Variants in GADL1 observed in about 807,000 individuals in gnomAD.
The protein encoded by GADL1 is GAD like acidic amino acid decarboxylase 1, also known as acidic amino acid decarboxylase GADL1.
In GADL1, 71 loss-of-function variants were observed where a neutral mutation model predicts 69.5. The ratio of observed to expected loss-of-function variants is 1.02; its 90% confidence interval spans 0.84 to 1.25. The LOEUF is 1.25. Ranked by LOEUF, GADL1 falls within the 50% of genes most tolerant of loss-of-function variation. The pLI is 0.00. For missense variants in GADL1, 737 were observed against 631.8 expected, an observed-to-expected ratio of 1.17 and a Z score of -1.79; for synonymous variants, 254 against 214.4, an observed-to-expected ratio of 1.18 and a Z score of -1.62.
intron 14 of GADL1, among the ~76,000 whole-genome samples, chr3:30,748,432 A>G (rs906064897): frequency 2.7e-5 from 4 of 147,578 alleles, no homozygotes; most frequent in Non-Finnish European, 3.0e-5. Context: ...CACTGACTAC[A>G]GTAAGGATGT....
intron 1 of GADL1, 22 bp from the exon 2 acceptor site, chr3:30,861,787 G>T: frequency 6.6e-6 from 10 of 1,504,702 alleles, no homozygotes; most frequent in Non-Finnish European, 9.0e-6. Context: ...CAAACAAATT[G>T]TGTTTGAGAG....
At chr3:30,843,586 T>TAAGGCCAGCCTTGGCTG (rs1369250101) in intron 8 of GADL1, among the ~76,000 whole-genome samples, 1 of 152,202 alleles carries the variant, frequency 6.6e-6, no homozygotes, top group Non-Finnish European at 1.5e-5. Context: ...ATGCAGGTGT[T>TAAGGCCAGCCTTGGCTG]AAGGCCAGCC....
chr3:30,862,414 A>G (rs1482972099), intron 1 of GADL1, among the ~76,000 whole-genome samples: 1 of 152,004 alleles, frequency 6.6e-6, no homozygotes, highest in East Asian at 1.9e-4. Flanking sequence ...ACAATATCAT[A>G]CAATAGTGGT....
At chr3:30,738,005 C>T (rs1388354407) in intron 14 of GADL1, among the ~76,000 whole-genome samples, 1 of 152,152 alleles carries the variant, frequency 6.6e-6, no homozygotes, top group East Asian at 1.9e-4. Flanking sequence ...CTGAAATGAA[C>T]AGTCATAAAA....
At chr3:30,783,781 C>T (rs367905648) in intron 13 of GADL1, among the ~76,000 whole-genome samples, 1 of 152,250 alleles carries the variant, frequency 6.6e-6, no homozygotes, top group African/African-American at 2.4e-5. Flanking sequence ...GGGCAGAAGG[C>T]TGACTAAAAT....
chr3:30,876,425 G>A (rs1360053242), intron 1 of GADL1, among the ~76,000 whole-genome samples: 2 of 151,958 alleles, frequency 1.3e-5, no homozygotes, highest in South Asian at 2.1e-4. Context: ...GTGTAAAGAC[G>A]CCGATCATGG....
rs1400617903 is a variant in GADL1 at position 30,850,054 on chromosome 3, T to G, written c.593A>C (p.Asp198Ala). Reference protein sequence around the residue: ...MNLARYKYCPDIKEKGLSGSP... With the variant: ...MNLARYKYCPAIKEKGLSGSP... ...ACCAGACAGCCCCTTTTCCTTAATA[T>G]CAGGACAATATTTGTATCTAGCTAA... is the stretch of plus-strand genomic sequence containing the variant. Residue 198 changes from aspartate to alanine, a missense_variant, in exon 6 of 15, where the codon GAT becomes GCT. Physicochemically the swap from Asp to Ala is moderately radical, Grantham distance 126. Coordinates refer to ENST00000282538, the MANE Select transcript of GADL1 (RefSeq NM_207359.3). 3 of 1,612,134 alleles carry G rather than the reference T, an allele frequency of 1.9e-6. No individual in the cohort carries two copies. The Admixed American group carries it at 5.0e-5, about 27-fold the overall frequency.
intron 11 of GADL1, among the ~76,000 whole-genome samples, chr3:30,829,914 A>AG (rs1309228594): frequency 6.6e-6 from 1 of 151,932 alleles, no homozygotes; most frequent in Non-Finnish European, 1.5e-5. Flanking sequence ...AGCACTTTAA[A>AG]GGAGAGGAAC....
chr3:30,802,066 A>C (rs1697176598), intron 11 of GADL1, among the ~76,000 whole-genome samples: 1 of 152,148 alleles, frequency 6.6e-6, no homozygotes, highest in African/African-American at 2.4e-5. Context: ...CTGACACTAA[A>C]CATAGCCTGC....
intron 1 of GADL1, among the ~76,000 whole-genome samples, chr3:30,889,353 C>T (rs972375564): frequency 1.6e-4 from 25 of 152,166 alleles, no homozygotes; most frequent in Admixed American, 7.9e-4. Flanking sequence ...TCTTACTTTA[C>T]AAAGTTTCTC....
At chr3:30,823,092 C>G (rs1575221580) in intron 11 of GADL1, among the ~76,000 whole-genome samples, 1 of 151,950 alleles carries the variant, frequency 6.6e-6, no homozygotes, top group South Asian at 2.1e-4. Flanking sequence ...AATATAAAAA[C>G]TGCATCTAAT....
At chr3:30,820,484 C>A (rs1006957844) in intron 11 of GADL1, among the ~76,000 whole-genome samples, 4 of 152,010 alleles carry the variant, frequency 2.6e-5, no homozygotes, top group African/African-American at 9.7e-5. Flanking sequence ...CTCTCAGAAC[C>A]AATTAGCAAT....
intron 1 of GADL1, among the ~76,000 whole-genome samples, chr3:30,885,065 A>G (rs1698685437): frequency 6.6e-6 from 1 of 152,110 alleles, no homozygotes; most frequent in Non-Finnish European, 1.5e-5. Context: ...TTAACCAAAT[A>G]TAAATTGATC....
In GADL1 at chr3:30,873,581, G is replaced by A. The variant is rs1013437224; in HGVS notation, c.38-11816C>T. ...TTTTTGTACTCCTAAAGCAATAAGC[G>A]ATTATCTTAGAAGTATGTATTAAAT... On this transcript the variant is annotated intron_variant, in intron 1 of 14. Transcript: ENST00000282538. 1.2e-4 allele frequency among the ~76,000 whole-genome samples: 18 copies of A among 151,970 alleles called. 2 individuals are homozygous for A. The highest frequency in any genetic ancestry group is 7.2e-4 in the Admixed American group (11 of 15,238).
At chr3:30,877,805 T>C (rs1698598353) in intron 1 of GADL1, among the ~76,000 whole-genome samples, 1 of 151,942 alleles carries the variant, frequency 6.6e-6, no homozygotes. Flanking sequence ...TTTAAGATGG[T>C]TAATGGTGTA....
chr3:30,835,222 C>T (rs745983660), intron 9 of GADL1, among the ~76,000 whole-genome samples: 2 of 152,018 alleles, frequency 1.3e-5, no homozygotes, highest in Non-Finnish European at 2.9e-5. Context: ...AACATCATTA[C>T]TTAAGGAAGG....
At chr3:30,756,487 T>G (rs1039294545) in intron 14 of GADL1, among the ~76,000 whole-genome samples, 2 of 152,208 alleles carry the variant, frequency 1.3e-5, no homozygotes, top group Admixed American at 6.5e-5. Flanking sequence ...CCTTTGAAGT[T>G]CCTACTATCA....
At chr3:30,767,323 T>C (rs1696305286) in intron 14 of GADL1, among the ~76,000 whole-genome samples, 1 of 152,128 alleles carries the variant, frequency 6.6e-6, no homozygotes, top group African/African-American at 2.4e-5. Context: ...AGAATGCTAT[T>C]TTACAAAAGA....
intron 14 of GADL1, among the ~76,000 whole-genome samples, chr3:30,761,634 C>G (rs1053015439): frequency 2.0e-5 from 3 of 152,124 alleles, no homozygotes; most frequent in African/African-American, 7.2e-5. Flanking sequence ...CCAATTGAAA[C>G]TATCAATCCT....
Sources: gnomAD v4.1 joint callset for allele counts (sites outside exome capture counted in the v4.1 genomes callset) on GRCh38, gnomAD v4.1.1 for gene constraint, MANE v1.5 for transcripts, NCBI Gene and HGNC (gene_info 2026-07-23, HGNC 2026-07-21) for gene names.